The following HEATR5A variants were observed in gnomAD, a reference collection of about 807,000 sequenced individuals.
HEATR5A encodes the protein HEAT repeat-containing protein 5A.
In HEATR5A, 178 loss-of-function variants were observed where a neutral mutation model predicts 218.8. The observed-to-expected ratio is 0.81, with a 90% CI of 0.72 to 0.92. The LOEUF (loss-of-function observed/expected upper bound fraction) is 0.92, where lower values mean the gene tolerates loss of function less well. Among genes scored for constraint, HEATR5A ranks in the 40% least tolerant of loss-of-function variants. The pLI, the probability that HEATR5A is intolerant of heterozygous loss-of-function variation, is 0.00. For synonymous variants in HEATR5A, 864 were observed against 871.6 expected (o/e 0.99, Z 0.15); for missense variants, 2,420 against 2,418.9 (o/e 1.00, Z -0.01).
chr14:31,323,679 T>A lies in HEATR5A; in HGVS notation c.3673A>T (p.Thr1225Ser). ...ACACATTCAGCAGCAAAGACTCTAG[T>A]AGCCCATCGGGGATTGGTAAAAGGA... ...SHPFTNPRWA[T>S]RVFAAECVCR... is the part of the protein sequence containing the mutation. The change falls in exon 24 of 36, where the codon ACT becomes TCT. Residue 1225 changes from threonine (T) to serine (S), a missense_variant. By Grantham distance (58) the Thr-to-Ser change is moderately conservative. Coordinates refer to ENST00000543095, the MANE Select transcript of HEATR5A (RefSeq NM_015473.4). 1 of 1,613,774 alleles carries A rather than the reference T, an allele frequency of 6.2e-7. No homozygotes were observed. Among genetic ancestry groups the A allele is most frequent in the South Asian group, 1.1e-5 (1 of 91,080 alleles).
intron 16 of HEATR5A, among the ~76,000 whole-genome samples, chr14:31,352,766 T>C (rs764728318): frequency 6.6e-6 from 1 of 152,078 alleles, no homozygotes; most frequent in Non-Finnish European, 1.5e-5. Context: ...GAGACCAGCC[T>C]GGACAACATG....
chr14:31,320,433 TGGC>T lies in HEATR5A; in HGVS notation c.3969+1063_3969+1065del, dbSNP rs1900054306. Reference sequence around the variant, plus strand: ...GTGGCTGACCCAGCACCAATAAACTTGGCGGCTGTGTCAGTGTCCCGGGAGACA... The same window carrying T: ...GTGGCTGACCCAGCACCAATAAACTTGGCTGTGTCAGTGTCCCGGGAGACA... On this transcript the variant is annotated intron_variant, in intron 25 of 35. Transcript: ENST00000543095. 3 of 1,314,690 alleles carry T rather than the reference TGGC, an allele frequency of 2.3e-6. No individual in the cohort carries two copies. The East Asian group carries it at 6.9e-5, about 30-fold the overall frequency. The allele number at this position is 1,314,690 out of a possible 1,614,324, so 81.4% of individuals were successfully genotyped here. A position where few individuals can be genotyped will look rare whatever the true frequency, so the allele number is the denominator to read the frequency against.
intron 6 of HEATR5A, among the ~76,000 whole-genome samples, chr14:31,389,957 G>A (rs1337730477): frequency 1.3e-5 from 2 of 152,136 alleles, no homozygotes; most frequent in East Asian, 3.9e-4. Flanking sequence ...AGCAAAATGA[G>A]GTCAGGAATA....
chr14:31,309,991 C>T (rs1222189082), intron 28 of HEATR5A, among the ~76,000 whole-genome samples: 3 of 152,098 alleles, frequency 2.0e-5, no homozygotes, highest in Non-Finnish European at 4.4e-5. Context: ...GTGTGAGCCA[C>T]CGCGCCTGGC....
intron 16 of HEATR5A, among the ~76,000 whole-genome samples, chr14:31,353,781 T>C (rs1184209295): frequency 6.6e-6 from 1 of 151,772 alleles, no homozygotes; most frequent in African/African-American, 2.4e-5. Context: ...CTGCCCATTG[T>C]TTAAGTCCAT....
At chr14:31,299,366 C>T (rs1224887978) in intron 33 of HEATR5A, among the ~76,000 whole-genome samples, 1 of 152,192 alleles carries the variant, frequency 6.6e-6, no homozygotes, top group Non-Finnish European at 1.5e-5. Flanking sequence ...TTCTTCTTTA[C>T]ACTGCTGCCA....
Position 31,364,256 on chromosome 14 carries a change from T to G in HEATR5A, c.2004A>C (p.Thr668=). 6.4e-7 allele frequency: 1 copy of G among 1,553,416 alleles called. No homozygotes were observed. Among genetic ancestry groups the G allele is most frequent in the Non-Finnish European group, 8.7e-7 (1 of 1,145,680 alleles). ...ILKMYGSPLK[T]PSVVYRQRLY... ...GTCTTTGTCTATAAACCACTGACGG[T>G]GTTTTCAAAGGACTTCCATACATTT... Residue 668 remains threonine, a synonymous_variant, in exon 14 of 36, where the codon ACA becomes ACC. Transcript: ENST00000543095.
At chr14:31,372,087 TAAAAAA>T (rs769797994) in intron 12 of HEATR5A, among the ~76,000 whole-genome samples, 178 bp from the exon 13 acceptor site, 4 of 150,258 alleles carry the variant, frequency 2.7e-5, no homozygotes, top group Non-Finnish European at 5.9e-5. Flanking sequence ...TAATCATACT[TAAAAAA>T]ACAACAACAA....
intron 22 of HEATR5A, among the ~76,000 whole-genome samples, chr14:31,332,303 G>C (rs1203614679): frequency 6.6e-6 from 1 of 152,206 alleles, no homozygotes; most frequent in African/African-American, 2.4e-5. Flanking sequence ...AATAAATGTT[G>C]AGTGTGTTCT....
At chr14:31,334,713 G>A (rs536944423) in intron 22 of HEATR5A, among the ~76,000 whole-genome samples, 6 of 152,302 alleles carry the variant, frequency 3.9e-5, no homozygotes, top group African/African-American at 1.2e-4. Flanking sequence ...TTGGGAGGCC[G>A]AGGCGAGTGG....
intron 16 of HEATR5A, 141 bp downstream of exon 16, chr14:31,358,496 G>A: frequency 1.4e-6 from 1 of 737,480 alleles, no homozygotes; most frequent in South Asian, 2.1e-5. Context: ...TATTAGCCAA[G>A]TGAATAATTA....
Position 31,323,756 on chromosome 14 carries a change from T to TCTC in HEATR5A, c.3593_3595dup (p.Gly1198dup), listed in dbSNP as rs1900178971. ...CAGGACTGAGGCATCATCCCCTTTA[T>TCTC]CTCCTTCTTCTTCTTGCATTGTATC... On this transcript the variant is annotated inframe_insertion, in exon 24 of 36. Coordinates refer to ENST00000543095, the MANE Select transcript of HEATR5A (RefSeq NM_015473.4). 1 of 1,607,456 alleles carries TCTC rather than the reference T, an allele frequency of 6.2e-7. No individual in the cohort carries two copies. The highest frequency in any genetic ancestry group is 8.5e-7 in the Non-Finnish European group (1 of 1,174,178).
At chr14:31,399,468 C>G (rs2030788051) in intron 3 of HEATR5A, among the ~76,000 whole-genome samples, 1 of 152,084 alleles carries the variant, frequency 6.6e-6, no homozygotes. Flanking sequence ...AGTTTGAAAT[C>G]TGAAAACTTT....
At chr14:31,320,388 C>T in intron 25 of HEATR5A, 1 of 1,032,166 alleles carries the variant, frequency 9.7e-7, no homozygotes, top group Non-Finnish European at 1.5e-6. Context: ...ATGCCAGCCC[C>T]TGAATCAGCC....
At chr14:31,308,900 A>G in intron 29 of HEATR5A, 34 bp downstream of exon 29, 1 of 1,563,458 alleles carries the variant, frequency 6.4e-7, no homozygotes, top group Non-Finnish European at 8.7e-7. Flanking sequence ...AAAAACCCCT[A>G]AGGTTGTAAA....
At position 31,318,272 on chromosome 14, in the gene HEATR5A, T is replaced by C; in HGVS notation, c.3990A>G (p.Pro1330=). 6.2e-7 allele frequency: 1 copy of C among 1,613,914 alleles called. No individual in the cohort carries two copies. Among genetic ancestry groups the C allele is most frequent in the Non-Finnish European group, 8.5e-7 (1 of 1,179,808 alleles). The change falls in exon 26 of 36, where the codon CCA becomes CCG. Residue 1330 remains proline, a synonymous_variant. Coordinates refer to ENST00000543095, the MANE Select transcript of HEATR5A (RefSeq NM_015473.4). ...CAGGTGGTGTCTCTGAAGTGAAGGC[T>C]GGTCTAAGCGCTGCTCCTACCTGGC... ...YQANVGAALR[P]AFTSETPPDV...
Position 31,402,838 on chromosome 14 carries a change from C to T in HEATR5A, c.126+12G>A. ...ACTTAAACAAAAAAACAGATGTTGT[C>T]ATTTTACCCACCCTGCTGGTTGCCA... is the stretch of plus-strand genomic sequence containing the variant. On this transcript the variant is annotated intron_variant, in intron 2 of 35. Transcript: ENST00000543095. 1 of 1,536,076 alleles carries T rather than the reference C, an allele frequency of 6.5e-7. No individual in the cohort carries two copies. Among genetic ancestry groups the T allele is most frequent in the Non-Finnish European group, 8.7e-7 (1 of 1,146,748 alleles).
intron 13 of HEATR5A, 46 bp downstream of exon 13, chr14:31,371,764 T>C (rs1294275686): frequency 3.2e-5 from 29 of 909,428 alleles, no homozygotes; most frequent in Non-Finnish European, 4.4e-5. Flanking sequence ...TAAGGAATAT[T>C]ACATAATCAG....
At chr14:31,372,166 TTAC>T (rs2139255847) in intron 12 of HEATR5A, among the ~76,000 whole-genome samples, 1 of 151,978 alleles carries the variant, frequency 6.6e-6, no homozygotes, top group Non-Finnish European at 1.5e-5. Flanking sequence ...TTCTAGGGTT[TTAC>T]TTTTACTCAG....
Sources: allele counts gnomAD v4.1 joint callset (sites outside exome capture counted in the v4.1 genomes callset), GRCh38; gene constraint gnomAD v4.1.1; transcripts MANE v1.5; gene names NCBI Gene and HGNC (gene_info 2026-07-23, HGNC 2026-07-21).